STRADA: variants seen among roughly 807,000 people sequenced by gnomAD.
STRADA encodes the protein STE20 related adaptor alpha.
Under a neutral mutation model 55.0 loss-of-function variants are expected in STRADA, and 26 were observed. The ratio of observed to expected loss-of-function variants is 0.47; its 90% CI spans 0.35 to 0.66. STRADA has a LOEUF of 0.66. Among genes scored for constraint, STRADA ranks in the 30% least tolerant of loss-of-function variants. The probability of loss-of-function intolerance (pLI) is 0.01; values close to 1 mark genes in which losing one functional copy is unlikely to be tolerated. For missense variants in STRADA, 443 were observed against 549.7 expected (o/e 0.81, Z 1.94); for synonymous variants, 197 against 210.9 (o/e 0.93, Z 0.57).
chr17:63,711,046 A>ATTTTTT, intron 6 of STRADA: 8 of 557,570 alleles, frequency 1.4e-5, no homozygotes, highest in Non-Finnish European at 1.9e-5. Context: ...CCTCTGCCAG[A>ATTTTTT]TAGGGAAACT....
chr17:63,703,484 G>C lies in STRADA; in HGVS notation c.*115C>G, dbSNP rs995927086. On this transcript the variant is annotated 3_prime_UTR_variant, in exon 13 of 13. Coordinates refer to ENST00000336174, the MANE Select transcript of STRADA (RefSeq NM_001003787.4). ...CAGTCAGCAGTCAACTTTCCTGGAA[G>C]AATGTCCTTTCTACCCAATCTGCCC... 4.9e-6 allele frequency: 5 copies of C among 1,013,230 alleles called. No individual in the cohort carries two copies. Among genetic ancestry groups the C allele is most frequent in the African/African-American group, 1.6e-5 (1 of 61,006 alleles). The allele number at this position is 1,013,230 out of a possible 1,614,324, so 62.8% of individuals were successfully genotyped here. A position where few individuals can be genotyped will look rare whatever the true frequency, so the allele number is the denominator to read the frequency against.
At chr17:63,725,545 T>C (rs774939470) in intron 3 of STRADA, among the ~76,000 whole-genome samples, 11 of 151,936 alleles carry the variant, frequency 7.2e-5, no homozygotes, top group Non-Finnish European at 1.5e-4. Context: ...AGAGATGTGG[T>C]TTCACCACGT....
chr17:63,707,897 A>ATT (rs58463647), intron 8 of STRADA, among the ~76,000 whole-genome samples: 46,812 of 144,334 alleles, frequency 0.32, 7,925 homozygotes, highest in South Asian at 0.57. Flanking sequence ...CGCCCGGCTA[A>ATT]TTTTTTTTTT....
chr17:63,719,736 G>A (rs527730480), intron 4 of STRADA, among the ~76,000 whole-genome samples: 91 of 152,168 alleles, frequency 6.0e-4, no homozygotes, highest in South Asian at 1.2e-3. Flanking sequence ...CGCGCACCTC[G>A]GCCTCCCAAA....
At chr17:63,735,849 A>T (rs955428139) in intron 1 of STRADA, among the ~76,000 whole-genome samples, 2 of 152,146 alleles carry the variant, frequency 1.3e-5, no homozygotes, top group African/African-American at 4.8e-5. Flanking sequence ...AGGGAAGGAG[A>T]AGTGGGGCTG....
chr17:63,733,268 A>G (rs1048671510), intron 1 of STRADA, among the ~76,000 whole-genome samples: 1 of 152,178 alleles, frequency 6.6e-6, no homozygotes, highest in African/African-American at 2.4e-5. Context: ...AGACTCCTCA[A>G]TGTTCACTAC....
intron 8 of STRADA, among the ~76,000 whole-genome samples, chr17:63,708,597 C>T (rs1329833343): frequency 6.6e-6 from 1 of 152,220 alleles, no homozygotes; most frequent in South Asian, 2.1e-4. Flanking sequence ...TGCAATGGCA[C>T]GATCTCAGCT....
chr17:63,703,349 G>A lies in STRADA; in HGVS notation c.*250C>T, dbSNP rs2035845540. 2.3e-6 allele frequency: 1 copy of A among 441,298 alleles called. No homozygotes were observed. The highest frequency in any genetic ancestry group is 2.0e-5 in the African/African-American group (1 of 50,210). The allele number at this position is 441,298 out of a possible 1,614,324, so 27.3% of individuals were successfully genotyped here. On this transcript the variant is annotated 3_prime_UTR_variant, in exon 13 of 13. Coordinates refer to ENST00000336174, the MANE Select transcript of STRADA (RefSeq NM_001003787.4). ...GCGGAGGAGGTCACCTGAGCTCACA[G>A]GACTGGGAATGTCGGCTTTGGACCC...
At chr17:63,735,645 G>T (rs1013965096) in intron 1 of STRADA, among the ~76,000 whole-genome samples, 5 of 152,222 alleles carry the variant, frequency 3.3e-5, no homozygotes, top group Non-Finnish European at 7.3e-5. Context: ...TCTGAGGACA[G>T]AATGAGAGGA....
intron 10 of STRADA, chr17:63,705,167 G>A: frequency 3.5e-6 from 2 of 566,980 alleles, no homozygotes; most frequent in Non-Finnish European, 6.3e-6. Flanking sequence ...CGCATAAGCT[G>A]TCCAAGCCAG....
In STRADA at chr17:63,704,622, G is replaced by C. The variant is rs540719738; in HGVS notation, c.859-40C>G. 8.6e-4 allele frequency: 676 copies of C among 786,446 alleles called. 3 individuals carry two copies. In the East Asian group the frequency reaches 0.024, roughly 28 times the overall value. 48.7% of individuals were successfully genotyped at this position (786,446 alleles called of 1,614,324 possible). A position where few individuals can be genotyped will look rare whatever the true frequency, so the allele number is the denominator to read the frequency against. The stretch of plus-strand genomic sequence containing the variant: ...ACCAGGACCTGGGCTGTAGCGGGTG[G>C]GGGGGGGGGGTGGTCCCTGGAAGGC... On this transcript the variant is annotated intron_variant, in intron 10 of 12. Coordinates refer to ENST00000336174, the MANE Select transcript of STRADA (RefSeq NM_001003787.4).
chr17:63,721,263 T>C (rs975705664), intron 4 of STRADA, among the ~76,000 whole-genome samples: 7 of 151,742 alleles, frequency 4.6e-5, no homozygotes, highest in African/African-American at 1.7e-4. Flanking sequence ...TCCCAGCTAC[T>C]CGGGAGGCTG....
rs901087239 is a variant in STRADA, at chr17:63,706,840, G to C, written c.754-101C>G. 4.6e-6 allele frequency: 4 copies of C among 863,306 alleles called. No individual in the cohort carries two copies. The Admixed American group carries it at 6.6e-5, about 14-fold the overall frequency. 53.5% of individuals were successfully genotyped at this position (863,306 alleles called of 1,614,324 possible). On this transcript the variant is annotated intron_variant, in intron 9 of 12. Transcript: ENST00000336174. ...GAAAAGGATGGCTGTCCCCACATCAGGACCTGCTGCTAATGACTCTCCTTG... is the reference window on the plus strand; with the variant it reads ...GAAAAGGATGGCTGTCCCCACATCACGACCTGCTGCTAATGACTCTCCTTG...
intron 1 of STRADA, among the ~76,000 whole-genome samples, chr17:63,731,873 T>A (rs899450439): frequency 1.1e-4 from 16 of 152,286 alleles, no homozygotes; most frequent in African/African-American, 3.6e-4. Context: ...TTCTTTCTTT[T>A]GTTTTTTATG....
intron 1 of STRADA, among the ~76,000 whole-genome samples, chr17:63,730,725 A>ATTT (rs1242377638): frequency 6.6e-6 from 1 of 151,462 alleles, no homozygotes; most frequent in Non-Finnish European, 1.5e-5. Context: ...CACCTGGCTA[A>ATTT]TTTTTTTGTA....
rs1054346791 is a variant in STRADA, at chr17:63,704,488, A to G, written c.953T>C (p.Val318Ala). Reference sequence around the variant, plus strand: ...GCTGTCACTCAGGCCAGAGTTGGCCACTGAGCGCGAAGGGCTCATGGTCAG... The same window carrying G: ...GCTGTCACTCAGGCCAGAGTTGGCCGCTGAGCGCGAAGGGCTCATGGTCAG... ...EELTMSPSRSVANSGLSDSLT... is the reference protein window; with the variant it reads ...EELTMSPSRSAANSGLSDSLT... Residue 318 changes from valine (V) to alanine (A), a missense_variant, in exon 11 of 13, where the codon GTG becomes GCG. Coordinates refer to ENST00000336174, the MANE Select transcript of STRADA (RefSeq NM_001003787.4). 6.2e-6 allele frequency: 10 copies of G among 1,612,780 alleles called. No homozygotes were observed. The African/African-American group carries it at 1.2e-4, about 19-fold the overall frequency.
chr17:63,714,433 G>T (rs2036720166), intron 4 of STRADA: 1 of 333,696 alleles, frequency 3.0e-6, no homozygotes. Flanking sequence ...GATGTCTAGA[G>T]AATGAAAGCA....
At chr17:63,704,622 G>GC (rs201054944) in intron 10 of STRADA, 40 bp from the exon 11 acceptor site, 4 of 786,512 alleles carry the variant, frequency 5.1e-6, no homozygotes, top group East Asian at 5.7e-5. Context: ...GTAGCGGGTG[G>GC]GGGGGGGGGG....
intron 4 of STRADA, among the ~76,000 whole-genome samples, chr17:63,720,559 G>T (rs1036430834): frequency 1.3e-5 from 2 of 151,594 alleles, no homozygotes; most frequent in Non-Finnish European, 2.9e-5. Flanking sequence ...CGGATCACAA[G>T]GTCAGGAGAT....
Sources: allele counts gnomAD v4.1 joint callset (sites outside exome capture counted in the v4.1 genomes callset), GRCh38; gene constraint gnomAD v4.1.1; transcripts MANE v1.5; gene names NCBI Gene and HGNC (gene_info 2026-07-23, HGNC 2026-07-21).